The following DNAH17 variants were observed in gnomAD, a reference collection of about 807,000 sequenced individuals.
DNAH17 encodes dynein axonemal heavy chain 17, also known as axonemal beta dynein heavy chain 17.
DNAH17 carries 376 observed loss-of-function variants against 485.6 expected under a neutral mutation model. The ratio of observed to expected loss-of-function variants is 0.77; its 90% CI spans 0.71 to 0.84. The LOEUF is 0.84. Ranked by LOEUF, DNAH17 falls within the 40% of genes least tolerant of loss-of-function variation. The pLI, the probability that DNAH17 is intolerant of heterozygous loss-of-function variation, is 0.00. For synonymous variants in DNAH17, 3,031 were observed against 2,405.9 expected (o/e 1.26, Z -7.60); for missense variants, 6,370 against 5,839.3 (o/e 1.09, Z -2.96).
intron 71 of DNAH17, among the ~76,000 whole-genome samples, chr17:78,442,631 G>C (rs1025662774): frequency 6.6e-5 from 10 of 151,042 alleles, no homozygotes; most frequent in African/African-American, 2.2e-4. Flanking sequence ...AAGCATGCAG[G>C]CTGGGTTCGT....
intron 17 of DNAH17, among the ~76,000 whole-genome samples, chr17:78,541,490 G>A (rs990978363): frequency 8.6e-5 from 13 of 151,788 alleles, no homozygotes; most frequent in Non-Finnish European, 1.9e-4. Context: ...ATACCCTCAG[G>A]CAGGTCTATT....
intron 36 of DNAH17, 61 bp from the exon 37 acceptor site, chr17:78,499,173 C>G (rs2090183269): frequency 1.6e-6 from 2 of 1,214,904 alleles, no homozygotes; most frequent in Non-Finnish European, 2.3e-6. Flanking sequence ...GCGGGCGCTG[C>G]AGGGGCCTCC....
At chr17:78,558,517 CATCACCCTCAT>C (rs1275311765) in intron 13 of DNAH17, among the ~76,000 whole-genome samples, 11 of 151,154 alleles carry the variant, frequency 7.3e-5, no homozygotes, top group African/African-American at 2.7e-4. Context: ...GGGTGGATGA[CATCACCCTCAT>C]GGGTGGATGA....
intron 31 of DNAH17, among the ~76,000 whole-genome samples, chr17:78,503,249 G>A (rs1400107465): frequency 7.5e-6 from 1 of 132,588 alleles, no homozygotes; most frequent in Non-Finnish European, 1.5e-5. Context: ...GCATGATCTC[G>A]GCTCATTGCA....
At chr17:78,540,295 C>T (rs941981691) in intron 17 of DNAH17, among the ~76,000 whole-genome samples, 1 of 146,458 alleles carries the variant, frequency 6.8e-6, no homozygotes, top group Non-Finnish European at 1.5e-5. Flanking sequence ...ACCACTGTAC[C>T]CCCAGCACTC....
chr17:78,477,340 C>T (rs2089077862), intron 51 of DNAH17, among the ~76,000 whole-genome samples: 1 of 151,916 alleles, frequency 6.6e-6, no homozygotes, highest in Non-Finnish European at 1.5e-5. Flanking sequence ...GGAGTGGCCT[C>T]TGTGAGAGCA....
chr17:78,449,325 C>T, intron 69 of DNAH17, 89 bp downstream of exon 69: 2 of 1,378,894 alleles, frequency 1.5e-6, no homozygotes, highest in Non-Finnish European at 2.0e-6. Flanking sequence ...GGGTGGGGGC[C>T]CAACAATCTG....
intron 56 of DNAH17, 63 bp downstream of exon 56, chr17:78,466,592 C>A (rs567959004): frequency 5.0e-5 from 74 of 1,476,366 alleles, no homozygotes; most frequent in Non-Finnish European, 6.3e-5. Flanking sequence ...AGGGAGCCAG[C>A]CCTTGGGCCT....
intron 25 of DNAH17, among the ~76,000 whole-genome samples, chr17:78,517,849 G>A (rs2090829702): frequency 6.6e-6 from 1 of 152,178 alleles, no homozygotes; most frequent in Non-Finnish European, 1.5e-5. Context: ...GACCATGGAA[G>A]ATTACTCATA....
At chr17:78,573,536 T>G (rs1425527963) in intron 2 of DNAH17, among the ~76,000 whole-genome samples, 1 of 149,936 alleles carries the variant, frequency 6.7e-6, no homozygotes, top group Admixed American at 6.6e-5. Context: ...GAGGTGGAGG[T>G]TGCAGTGAGC....
In DNAH17 at chr17:78,423,807, C is replaced by G; in HGVS notation, c.*99G>C. On this transcript the variant is annotated 3_prime_UTR_variant, in exon 81 of 81. Coordinates refer to ENST00000389840, the MANE Select transcript of DNAH17 (RefSeq NM_173628.4). ...CCTGATTATTTAAGAGAACGAAAAA[C>G]CACCACCAGTTCCTGTAAAGAATAA... The G allele has an allele frequency of 6.8e-7, 1 of 1,465,710 alleles. No individual in the cohort carries two copies. The highest frequency in any genetic ancestry group is 9.3e-7 in the Non-Finnish European group (1 of 1,077,418). 90.8% of individuals were successfully genotyped at this position (1,465,710 alleles called of 1,614,324 possible). A position where few individuals can be genotyped will look rare whatever the true frequency, so the allele number is the denominator to read the frequency against.
intron 59 of DNAH17, 78 bp from the exon 60 acceptor site, chr17:78,460,079 G>T: frequency 1.3e-6 from 2 of 1,590,070 alleles, no homozygotes; most frequent in Non-Finnish European, 1.7e-6. Flanking sequence ...GCCGCCATGA[G>T]TGTGTCACCA....
At chr17:78,494,264 G>A in intron 40 of DNAH17, 91 bp from the exon 41 acceptor site, 1 of 1,518,434 alleles carries the variant, frequency 6.6e-7, no homozygotes, top group South Asian at 1.3e-5. Context: ...CCCCGTGGGG[G>A]AGATGATAAA....
At chr17:78,563,961 G>A (rs2092214578) in intron 11 of DNAH17, among the ~76,000 whole-genome samples, 1 of 152,090 alleles carries the variant, frequency 6.6e-6, no homozygotes, top group African/African-American at 2.4e-5. Context: ...AAACATACGT[G>A]AAAATTTTTA....
rs763013374 is a variant in DNAH17 at position 78,463,095 on chromosome 17, C to T, written c.8941-18G>A. The T allele has an allele frequency of 1.2e-6, 2 of 1,609,154 alleles. No individual in the cohort carries two copies. The highest frequency in any genetic ancestry group is 2.2e-5 in the South Asian group (2 of 90,620). On this transcript the variant is annotated intron_variant, in intron 56 of 80. Coordinates refer to ENST00000389840, the MANE Select transcript of DNAH17 (RefSeq NM_173628.4). ...ACTTCCCACTACAAAGATGAGACAG[C>T]CAGTCATCCCTGGGACCCCATCCTG...
At chr17:78,475,593 G>A (rs909383123) in intron 53 of DNAH17, 76 bp downstream of exon 53, 54 of 1,601,274 alleles carry the variant, frequency 3.4e-5, no homozygotes, top group Middle Eastern at 1.9e-4. Flanking sequence ...AATGCCACTC[G>A]GATGTCGATA....
intron 65 of DNAH17, 24 bp downstream of exon 65, chr17:78,453,319 G>A (rs1337834137): frequency 6.2e-7 from 1 of 1,610,368 alleles, no homozygotes; most frequent in East Asian, 2.2e-5. Context: ...CCTGGCTCAA[G>A]CCACGGAGGC....
At chr17:78,562,482 C>A (rs545245205) in intron 11 of DNAH17, among the ~76,000 whole-genome samples, 2 of 152,028 alleles carry the variant, frequency 1.3e-5, no homozygotes, top group African/African-American at 2.4e-5. Flanking sequence ...TTTTTGTATT[C>A]TTTTGGGTGT....
rs1352742810 is a variant in DNAH17, at chr17:78,428,913, A to AT, written c.12405+207dup. On this transcript the variant is annotated intron_variant, in intron 76 of 80. Coordinates refer to ENST00000389840, the MANE Select transcript of DNAH17 (RefSeq NM_173628.4). Reference sequence around the variant, plus strand: ...TCCATTCCCCCTTCCCTGAGGCTGCATTTCTTTCTTTAAAAAAAAAAAAAA... The same window carrying AT: ...TCCATTCCCCCTTCCCTGAGGCTGCATTTTCTTTCTTTAAAAAAAAAAAAAA... Among the ~76,000 whole-genome samples the AT allele has an allele frequency of 1.4e-4, 12 of 88,430 alleles. No individual in the cohort carries two copies. The Admixed American group carries it at 1.7e-3, about 13-fold the overall frequency. The allele number at this position is 88,430 out of a possible 152,430, so 58.0% of individuals were successfully genotyped here.
Sources: gnomAD v4.1 joint callset for allele counts (sites outside exome capture counted in the v4.1 genomes callset) on GRCh38, gnomAD v4.1.1 for gene constraint, MANE v1.5 for transcripts, NCBI Gene and HGNC (gene_info 2026-07-23, HGNC 2026-07-21) for gene names.